Variants in LIMS1 observed in about 807,000 individuals in gnomAD.
LIMS1 encodes the protein LIM and senescent cell antigen-like-containing domain protein 1.
Under a neutral mutation model 44.1 loss-of-function variants are expected in LIMS1, and 18 were observed. The observed-to-expected ratio is 0.41, with a 90% CI of 0.28 to 0.61. LIMS1 has a LOEUF of 0.61. Ranked by LOEUF, LIMS1 falls within the 20% of genes least tolerant of loss-of-function variation. The pLI is 0.32. For synonymous variants in LIMS1, 93 were observed against 149.1 expected (o/e 0.62, Z 2.74); for missense variants, 201 against 422.0 (o/e 0.48, Z 4.59).
chr2:108,633,595 A>T (rs1456973977), intron 1 of LIMS1, among the ~76,000 whole-genome samples: 1 of 152,190 alleles, frequency 6.6e-6, no homozygotes, highest in South Asian at 2.1e-4. Flanking sequence ...AGTTTTGATT[A>T]CATTTTTGCT....
chr2:108,607,295 A>G (rs1558806472), intron 1 of LIMS1: 2 of 1,536,248 alleles, frequency 1.3e-6, no homozygotes, highest in Non-Finnish European at 8.8e-7. Context: ...TCCCCCTCCA[A>G]ATGAAACACA....
intron 1 of LIMS1, among the ~76,000 whole-genome samples, chr2:108,590,105 C>T (rs1365891854): frequency 6.6e-6 from 1 of 152,210 alleles, no homozygotes; most frequent in Non-Finnish European, 1.5e-5. Context: ...TACTACATGA[C>T]TTGCCTTATA....
intron 1 of LIMS1, among the ~76,000 whole-genome samples, chr2:108,644,545 C>G (rs959583271): frequency 7.9e-5 from 12 of 152,104 alleles, no homozygotes; most frequent in African/African-American, 2.9e-4. Context: ...GGGGAGAAAC[C>G]AGCACAAAAA....
chr2:108,537,896 C>G (rs1401355619), intron 1 of LIMS1, among the ~76,000 whole-genome samples: 1 of 152,166 alleles, frequency 6.6e-6, no homozygotes, highest in African/African-American at 2.4e-5. Flanking sequence ...TGCAGCAGAT[C>G]AGTAACAGGA....
At chr2:108,557,289 C>T (rs994453148) in intron 1 of LIMS1, among the ~76,000 whole-genome samples, 1 of 152,088 alleles carries the variant, frequency 6.6e-6, no homozygotes, top group African/African-American at 2.4e-5. Flanking sequence ...GTTGCCCAGA[C>T]TGGTCTTGAA....
intron 1 of LIMS1, among the ~76,000 whole-genome samples, chr2:108,587,290 T>TTTTGTG (rs1249940923): frequency 1.9e-5 from 2 of 106,024 alleles, no homozygotes; most frequent in African/African-American, 6.0e-5. Context: ...TTCTTGGGGT[T>TTTTGTG]TGTGTGTGTG....
intron 1 of LIMS1, among the ~76,000 whole-genome samples, chr2:108,557,545 C>T (rs1684966575): frequency 1.3e-5 from 2 of 151,200 alleles, no homozygotes; most frequent in African/African-American, 4.9e-5. Context: ...GAGACCTAGT[C>T]TTGCTCTGTT....
intron 1 of LIMS1, among the ~76,000 whole-genome samples, chr2:108,642,196 T>C (rs970356251): frequency 2.0e-5 from 3 of 152,160 alleles, no homozygotes; most frequent in Non-Finnish European, 2.9e-5. Flanking sequence ...AGCACTCCGC[T>C]TTTTCTATAT....
intron 1 of LIMS1, among the ~76,000 whole-genome samples, chr2:108,564,237 A>G (rs1023765872): frequency 6.6e-6 from 1 of 152,166 alleles, no homozygotes; most frequent in African/African-American, 2.4e-5. Context: ...TTTGAGCAAT[A>G]AAGTATTTTA....
intron 1 of LIMS1, among the ~76,000 whole-genome samples, chr2:108,642,552 G>A (rs1191221799): frequency 6.6e-6 from 1 of 151,676 alleles, no homozygotes; most frequent in Non-Finnish European, 1.5e-5. Flanking sequence ...GTAGAGACGG[G>A]GTTTCACCGT....
intron 1 of LIMS1, among the ~76,000 whole-genome samples, chr2:108,586,963 A>G (rs1686132306): frequency 6.6e-6 from 1 of 152,210 alleles, no homozygotes; most frequent in African/African-American, 2.4e-5. Context: ...CAAAGCCAGA[A>G]AAACATTCTG....
intron 7 of LIMS1, chr2:108,677,347 A>C (rs1477808805): frequency 6.5e-6 from 1 of 153,034 alleles, no homozygotes; most frequent in Non-Finnish European, 1.5e-5. Context: ...GAGGTTATAC[A>C]CAGCAGGTTG....
chr2:108,539,676 A>AT (rs1172847420), intron 1 of LIMS1, among the ~76,000 whole-genome samples: 4 of 152,306 alleles, frequency 2.6e-5, no homozygotes, highest in Admixed American at 6.5e-5. Context: ...TGAGAGGGAC[A>AT]TTTTTTGTTG....
At chr2:108,681,823 G>A (rs567086420) in intron 9 of LIMS1, among the ~76,000 whole-genome samples, 30 of 151,336 alleles carry the variant, frequency 2.0e-4, no homozygotes, top group Non-Finnish European at 4.1e-4. Flanking sequence ...TCAGGAGGCT[G>A]AGGCTGCTGC....
chr2:108,637,296 T>G (rs1689346403), intron 1 of LIMS1, among the ~76,000 whole-genome samples: 1 of 152,214 alleles, frequency 6.6e-6, no homozygotes, highest in Admixed American at 6.5e-5. Context: ...TTGTTTTCAC[T>G]TGACTCAAGT....
In LIMS1 at chr2:108,644,496, C is replaced by G. The variant is rs181454338; in HGVS notation, c.33-15109C>G. Among the ~76,000 whole-genome samples the G allele has an allele frequency of 5.3e-5, 8 of 152,244 alleles. No individual in the cohort carries two copies. The East Asian group carries it at 1.2e-3, about 22-fold the overall frequency. On this transcript the variant is annotated intron_variant, in intron 1 of 9. Coordinates refer to ENST00000544547, the Ensembl canonical transcript of LIMS1. ...ACTCAGAGACCCCATCCGAAGGTCACCAACTTCAAAGACCAAAGGTACATA... is the reference window on the plus strand; with the variant it reads ...ACTCAGAGACCCCATCCGAAGGTCAGCAACTTCAAAGACCAAAGGTACATA...
rs76895591 is a variant in LIMS1, at chr2:108,554,457, A to G, written c.32+19863A>G. The stretch of plus-strand genomic sequence containing the variant: ...GCTACTGAAGGACAGTCTCTGAAGA[A>G]GAGTATCTTCCTTATTCTTGGGGTA... On this transcript the variant is annotated intron_variant, in intron 1 of 9. Coordinates refer to ENST00000544547, the Ensembl canonical transcript of LIMS1. 3.0e-3 allele frequency among the ~76,000 whole-genome samples: 463 copies of G among 152,326 alleles called. 1 individual carries two copies. The highest frequency in any genetic ancestry group is 8.8e-3 in the African/African-American group (364 of 41,572).
At chr2:108,648,332 A>G (rs1690215797) in intron 1 of LIMS1, among the ~76,000 whole-genome samples, 2 of 152,216 alleles carry the variant, frequency 1.3e-5, no homozygotes, top group South Asian at 2.1e-4. Context: ...AAACAAATGG[A>G]AAAATATTCC....
At chr2:108,540,900 G>A (rs561554773) in intron 1 of LIMS1, among the ~76,000 whole-genome samples, 3 of 152,194 alleles carry the variant, frequency 2.0e-5, no homozygotes, top group Admixed American at 2.0e-4. Flanking sequence ...GTTACAGTTT[G>A]TTGTGTGTAT....
Sources: allele counts gnomAD v4.1 joint callset (sites outside exome capture counted in the v4.1 genomes callset), GRCh38; gene constraint gnomAD v4.1.1; transcripts MANE v1.5; gene names NCBI Gene and HGNC (gene_info 2026-07-23, HGNC 2026-07-21).